The following NRG4 variants were observed in gnomAD, a reference collection of about 807,000 sequenced individuals.
The protein encoded by NRG4 is neuregulin 4, also known as pro-neuregulin-4, membrane-bound isoform.
In NRG4, 10 loss-of-function variants were observed where a neutral mutation model predicts 15.0. The observed-to-expected ratio is 0.67, with a 90% confidence interval of 0.41 to 1.13. The LOEUF is 1.13. Ranked by LOEUF, NRG4 falls within the 50% of genes most tolerant of loss-of-function variation. The probability of loss-of-function intolerance (pLI) is 0.00; values close to 1 mark genes in which losing one functional copy is unlikely to be tolerated. For missense variants in NRG4, 139 were observed against 140.2 expected (o/e 0.99, Z 0.04); for synonymous variants, 41 against 50.1 (o/e 0.82, Z 0.77).
intron 4 of NRG4, among the ~76,000 whole-genome samples, chr15:76,047,065 C>A (rs1280625717): frequency 6.6e-6 from 1 of 150,664 alleles, no homozygotes; most frequent in African/African-American, 2.5e-5. Flanking sequence ...AAAAAAAACA[C>A]TCAACATGAC....
intron 3 of NRG4, among the ~76,000 whole-genome samples, chr15:75,987,786 AG>A (rs1195718467): frequency 6.6e-6 from 1 of 152,238 alleles, no homozygotes; most frequent in African/African-American, 2.4e-5. Context: ...GTTGCCAGCA[AG>A]GAGCTTTTAG....
chr15:76,048,485 A>C (rs1416080489), intron 4 of NRG4, among the ~76,000 whole-genome samples: 1 of 150,330 alleles, frequency 6.7e-6, no homozygotes, highest in Non-Finnish European at 1.5e-5. Flanking sequence ...AAAAAAAAAA[A>C]AAAAAAGCTG....
chr15:75,993,391 G>GT (rs1309719271), intron 3 of NRG4, among the ~76,000 whole-genome samples: 1 of 69,388 alleles, frequency 1.4e-5, no homozygotes. Context: ...TGAGGATTCT[G>GT]TAAAAAAAAA....
At chr15:75,993,470 A>C (rs1245861216) in intron 3 of NRG4, among the ~76,000 whole-genome samples, 2 of 150,702 alleles carry the variant, frequency 1.3e-5, no homozygotes, top group Non-Finnish European at 3.0e-5. Flanking sequence ...TAATCCCAGC[A>C]GTGGACAGAT....
chr15:75,969,279 C>T (rs940410240), intron 3 of NRG4: 7 of 452,676 alleles, frequency 1.5e-5, no homozygotes, highest in Non-Finnish European at 2.7e-5. Flanking sequence ...TGTTACTCTG[C>T]GTGGTATTCC....
At chr15:75,960,665 A>T (rs1164809396) in intron 4 of NRG4, among the ~76,000 whole-genome samples, 1 of 152,148 alleles carries the variant, frequency 6.6e-6, no homozygotes, top group Non-Finnish European at 1.5e-5. Flanking sequence ...GTAGTCTATG[A>T]TCAAGGCAGT....
intron 3 of NRG4, chr15:75,969,342 C>A: frequency 2.7e-6 from 1 of 373,292 alleles, no homozygotes; most frequent in South Asian, 2.0e-5. Flanking sequence ...TGCCAGCTGC[C>A]TTCCAAAGAA....
rs1316383411 is a variant in NRG4, at chr15:75,977,531, C to T, written c.105-15557G>A. On this transcript the variant is annotated intron_variant, in intron 3 of 5. Transcript: ENST00000394907. The surrounding 1 kb of genome is among the most constrained non-coding windows in gnomAD (Gnocchi z 4.9). ...GCATCTGGGCCAGAATGCACCATTCCTCACAGTCCCTTGGCACTTCCCTTG... is the reference window on the plus strand; with the variant it reads ...GCATCTGGGCCAGAATGCACCATTCTTCACAGTCCCTTGGCACTTCCCTTG... Among the ~76,000 whole-genome samples the T allele has an allele frequency of 6.6e-6, 1 of 152,208 alleles. No homozygotes were observed. Among genetic ancestry groups the T allele is most frequent in the Non-Finnish European group, 1.5e-5 (1 of 68,032 alleles).
At chr15:75,970,997 A>G (rs1454449921) in intron 3 of NRG4, among the ~76,000 whole-genome samples, 1 of 152,256 alleles carries the variant, frequency 6.6e-6, no homozygotes, top group Non-Finnish European at 1.5e-5. Flanking sequence ...ATCTGATTCT[A>G]TAAATACCTG....
At chr15:75,962,766 C>T (rs1219894226) in intron 3 of NRG4, among the ~76,000 whole-genome samples, 3 of 152,120 alleles carry the variant, frequency 2.0e-5, no homozygotes, top group African/African-American at 7.2e-5. Context: ...AAGAATGACA[C>T]TGTTTGGCAC....
At chr15:75,952,017 A>G (rs2031930062) in intron 5 of NRG4, among the ~76,000 whole-genome samples, 1 of 152,146 alleles carries the variant, frequency 6.6e-6, no homozygotes, top group South Asian at 2.1e-4. Flanking sequence ...CAACTGTCAT[A>G]TGCCTGGAAA....
intron 3 of NRG4, among the ~76,000 whole-genome samples, chr15:75,965,082 T>C (rs2032731828): frequency 1.3e-5 from 2 of 151,628 alleles, no homozygotes; most frequent in African/African-American, 4.8e-5. Context: ...AAAAATTAGC[T>C]GGGCATGGTG....
At chr15:76,026,421 G>T (rs933072378) in intron 5 of NRG4, among the ~76,000 whole-genome samples, 1 of 152,160 alleles carries the variant, frequency 6.6e-6, no homozygotes, top group Non-Finnish European at 1.5e-5. Flanking sequence ...TCAGCAAAGA[G>T]TATTATACCC....
At chr15:76,034,783 T>C (rs909366806) in intron 5 of NRG4, among the ~76,000 whole-genome samples, 8 of 152,108 alleles carry the variant, frequency 5.3e-5, no homozygotes, top group Non-Finnish European at 1.0e-4. Context: ...ATGAGGTTCT[T>C]TGTCAATTTA....
At chr15:75,960,234 C>G (rs1368755508) in intron 4 of NRG4, among the ~76,000 whole-genome samples, 1 of 152,156 alleles carries the variant, frequency 6.6e-6, no homozygotes, top group African/African-American at 2.4e-5. Context: ...AGGTATTGGT[C>G]TTCCCCTTAG....
At chr15:75,950,488 T>A in intron 5 of NRG4, 1 of 232,904 alleles carries the variant, frequency 4.3e-6, no homozygotes. Context: ...ACTCTCTGGG[T>A]CAGCAGGATT....
At chr15:76,059,778 C>G (rs1160193779) in exon 1 of NRG4, 3 of 149,392 alleles carry the variant, frequency 2.0e-5, no homozygotes, top group Non-Finnish European at 3.0e-5. Flanking sequence ...GACAGCCGCG[C>G]CGCCGTTCCG....
At chr15:76,011,046 A>G (rs2034791776) in intron 2 of NRG4, among the ~76,000 whole-genome samples, 175 bp downstream of exon 2, 1 of 152,134 alleles carries the variant, frequency 6.6e-6, no homozygotes, top group South Asian at 2.1e-4. Context: ...TATGTCACAA[A>G]GGAAGGTCTC....
intron 3 of NRG4, among the ~76,000 whole-genome samples, chr15:76,000,010 A>C (rs371409426): frequency 1.2e-3 from 183 of 152,234 alleles, no homozygotes; most frequent in African/African-American, 4.2e-3. Context: ...CAGTCTCCTG[A>C]GTAGCTGGGA....
Sources: allele counts gnomAD v4.1 joint callset (sites outside exome capture counted in the v4.1 genomes callset), GRCh38; gene constraint gnomAD v4.1.1; non-coding constraint Gnocchi (gnomAD v3.1); transcripts MANE v1.5; gene names NCBI Gene and HGNC (gene_info 2026-07-23, HGNC 2026-07-21).